DMBT1: variants seen among roughly 807,000 people sequenced by gnomAD.
The protein encoded by DMBT1 is scavenger receptor cysteine-rich domain-containing protein DMBT1.
In DMBT1, 198 loss-of-function variants were observed where a neutral mutation model predicts 252.9. That is an observed-to-expected ratio of 0.78 (90% confidence interval 0.70 to 0.88). The LOEUF is 0.88. Among genes scored for constraint, DMBT1 ranks in the 40% least tolerant of loss-of-function variants. The pLI, the probability that DMBT1 is intolerant of heterozygous loss-of-function variation, is 0.00. For synonymous variants in DMBT1, 990 were observed against 942.7 expected, an observed-to-expected ratio of 1.05 and a Z score of -0.92; for missense variants, 2,432 against 2,404.7, an observed-to-expected ratio of 1.01 and a Z score of -0.24.
chr10:122,592,522 G>A lies in DMBT1; in HGVS notation c.2427G>A (p.Leu809=). 1 of 1,588,190 alleles carries A rather than the reference G, an allele frequency of 6.3e-7. No individual in the cohort carries two copies. The highest frequency in any genetic ancestry group is 8.6e-7 in the Non-Finnish European group (1 of 1,165,608). Residue 809 remains leucine, a synonymous_variant, in exon 20 of 56, where the codon CTG becomes CTA. Transcript: ENST00000338354. ...DVRCSGHESY[L]WSCPHNGWLS... ...GCTGCTCAGGACACGAGTCCTACCT[G>A]TGGAGCTGCCCCCACAATGGCTGGC...
chr10:122,575,515 G>T (rs559567702), intron 6 of DMBT1, among the ~76,000 whole-genome samples: 128 of 151,748 alleles, frequency 8.4e-4, no homozygotes, highest in African/African-American at 2.7e-3. Flanking sequence ...ATATTTTCTG[G>T]TTTTTTTTGG....
At position 122,643,366 on chromosome 10, in the gene DMBT1, ACCC is replaced by A. The variant is rs758466994; in HGVS notation, c.7602_7604del (p.Pro2535del). On this transcript the variant is annotated inframe_deletion, in exon 56 of 56. Transcript: ENST00000338354. ...CGTCCTGGGTCCCATCCAGCTGCAG[ACCC>A]CCCCACGCCGAGAAGAGGAGCCTCG... 6.2e-7 allele frequency: 1 copy of A among 1,611,058 alleles called. No individual in the cohort carries two copies. The highest frequency in any genetic ancestry group is 8.5e-7 in the Non-Finnish European group (1 of 1,179,112).
chr10:122,620,152 A>G (rs1244064575), intron 42 of DMBT1, 101 bp from the exon 43 acceptor site: 3 of 1,278,764 alleles, frequency 2.3e-6, no homozygotes, highest in South Asian at 1.2e-5. Context: ...GGAACCAGAA[A>G]TTGAATAGTT....
intron 5 of DMBT1, among the ~76,000 whole-genome samples, chr10:122,573,503 G>A (rs1190515350): frequency 1.3e-5 from 2 of 152,190 alleles, no homozygotes; most frequent in African/African-American, 4.8e-5. Context: ...TGGGGGTAGG[G>A]TAATAAGAGT....
Position 122,629,870 on chromosome 10 carries a change from T to C in DMBT1, c.5699T>C (p.Phe1900Ser). ...TCTTCAAATTGTGGTGGCTTCTTAT[T>C]CTATGCCAGTGGGACATTCTCCAGC... ...RPSSNCGGFL[F>S]YASGTFSSPS... Residue 1900 changes from phenylalanine (F) to serine (S), a missense_variant, in exon 47 of 56, where the codon TTC (phenylalanine) becomes TCC (serine). Phe to Ser is a radical substitution (Grantham distance 155). Transcript: ENST00000338354. 6.2e-7 allele frequency: 1 copy of C among 1,614,028 alleles called. No homozygotes were observed. Among genetic ancestry groups the C allele is most frequent in the Non-Finnish European group, 8.5e-7 (1 of 1,179,884 alleles).
In DMBT1 at chr10:122,637,303, C is replaced by T. The variant is rs764130589; in HGVS notation, c.6933C>T (p.Thr2311=). 26 of 1,607,332 alleles carry T rather than the reference C, an allele frequency of 1.6e-5. No individual in the cohort carries two copies. Among genetic ancestry groups the T allele is most frequent in the Non-Finnish European group, 2.1e-5 (25 of 1,176,356 alleles). Reference sequence around the variant, plus strand: ...CAATTCCCTACTCAGGCTGCGGCACCTTCAAGCAGGTAAGCCTGGGGCTTC... The same window carrying T: ...CAATTCCCTACTCAGGCTGCGGCACTTTCAAGCAGGTAAGCCTGGGGCTTC... ...IFTIPYSGCG[T]FKQADNDTID... is the part of the protein sequence containing the mutation. Residue 2311 remains threonine, a synonymous_variant, in exon 54 of 56, where the codon ACC becomes ACT. Transcript: ENST00000338354.
intron 19 of DMBT1, among the ~76,000 whole-genome samples, 198 bp from the exon 20 acceptor site, chr10:122,592,074 C>A (rs2097853693): frequency 6.7e-6 from 1 of 148,492 alleles, no homozygotes; most frequent in South Asian, 2.3e-4. Flanking sequence ...AAAATCTGAG[C>A]CTCCATAAAC....
In DMBT1 at chr10:122,635,415, G is replaced by A. The variant is rs144875099; in HGVS notation, c.6549-576G>A. The stretch of plus-strand genomic sequence containing the variant: ...AGCCCTTCCTTTCCTGATGTAAAGG[G>A]CTGACAGGTGAGGGGCTGTAGATTT... On this transcript the variant is annotated intron_variant, in intron 52 of 55. Transcript: ENST00000338354. Among the ~76,000 whole-genome samples, 490 of 152,308 alleles carry A rather than the reference G, an allele frequency of 3.2e-3. 2 individuals carry two copies. The highest frequency in any genetic ancestry group is 0.011 in the African/African-American group (466 of 41,562).
Position 122,640,123 on chromosome 10 carries a change from T to C in DMBT1, c.7026T>C (p.Arg2342=). ...GGIIKRRTDL[R]IHVSCRMLQN... is the part of the protein sequence containing the mutation. The stretch of plus-strand genomic sequence containing the variant: ...TCATCAAGAGGAGGACAGACCTCCG[T>C]ATTCACGTCAGCTGCAGAATGCTTC... Residue 2342 remains arginine (R), a synonymous_variant, in exon 55 of 56, where the codon CGT becomes CGC. Transcript: ENST00000338354. The C allele has an allele frequency of 1.2e-6, 2 of 1,614,092 alleles. No individual in the cohort carries two copies. The highest frequency in any genetic ancestry group is 2.7e-5 in the African/African-American group (2 of 75,074).
chr10:122,589,590 C>A (rs1194025020), intron 17 of DMBT1, among the ~76,000 whole-genome samples: 2 of 148,256 alleles, frequency 1.3e-5, no homozygotes, highest in Non-Finnish European at 3.0e-5. Context: ...TCAGGTTATT[C>A]ATGAAGAAAG....
intron 20 of DMBT1, 79 bp from the exon 21 acceptor site, chr10:122,593,490 A>G (rs1272166514): frequency 6.9e-7 from 1 of 1,443,822 alleles, no homozygotes; most frequent in Non-Finnish European, 9.7e-7. Context: ...AGACTCGCTC[A>G]TTTCTTTCCC....
chr10:122,580,365 G>T (rs946075616), intron 10 of DMBT1, among the ~76,000 whole-genome samples: 1 of 152,198 alleles, frequency 6.6e-6, no homozygotes, highest in Non-Finnish European at 1.5e-5. Flanking sequence ...GTGCAAATGG[G>T]TGTCTGTTTG....
rs971417703 is a variant in DMBT1, at chr10:122,584,937, C to T, written c.1421-334C>T. Among the ~76,000 whole-genome samples the T allele has an allele frequency of 2.7e-5, 4 of 149,110 alleles. 1 individual carries two copies. The highest frequency in any genetic ancestry group is 4.5e-5 in the Non-Finnish European group (3 of 66,820). Reference sequence around the variant, plus strand: ...CCCTTTGGTCAGCTCCTTGGTTTCCCTAACGTTTTAGCTCGAGCTAGTAGA... The same window carrying T: ...CCCTTTGGTCAGCTCCTTGGTTTCCTTAACGTTTTAGCTCGAGCTAGTAGA... On this transcript the variant is annotated intron_variant, in intron 14 of 55. Coordinates refer to ENST00000338354, the MANE Select transcript of DMBT1 (RefSeq NM_001377530.1).
chr10:122,587,972 T>G (rs2097805287), intron 16 of DMBT1, among the ~76,000 whole-genome samples: 1 of 148,430 alleles, frequency 6.7e-6, no homozygotes, highest in South Asian at 2.3e-4. Context: ...CTGAGCTTAC[T>G]GGGCTGAAGA....
Position 122,629,928 on chromosome 10 carries a change from T to A in DMBT1, c.5757T>A (p.Ala1919=). The stretch of plus-strand genomic sequence containing the variant: ...ACCCTGCATACTACCCCAACAATGC[T>A]AAGTGTGTTTGGGAAATAGAAGTGA... ...PSYPAYYPNN[A]KCVWEIEVNS... The change falls in exon 47 of 56, where the codon GCT becomes GCA. Residue 1919 remains alanine, a synonymous_variant. Transcript: ENST00000338354. The A allele has an allele frequency of 6.2e-7, 1 of 1,614,030 alleles. No homozygotes were observed.
At position 122,640,139 on chromosome 10, in the gene DMBT1, A is replaced by G. The variant is rs1314409159; in HGVS notation, c.7042A>G (p.Arg2348Gly). The G allele has an allele frequency of 6.2e-7, 1 of 1,614,102 alleles. No individual in the cohort carries two copies. Among genetic ancestry groups the G allele is most frequent in the Admixed American group, 1.7e-5 (1 of 60,028 alleles). ...RTDLRIHVSC[R>G]MLQNTWVDTM... ...AGACCTCCGTATTCACGTCAGCTGCAGAATGCTTCAGAACACCTGGGTCGA... is the reference window on the plus strand; with the variant it reads ...AGACCTCCGTATTCACGTCAGCTGCGGAATGCTTCAGAACACCTGGGTCGA... Residue 2348 changes from arginine (R) to glycine (G), a missense_variant, in exon 55 of 56, where the codon AGA (arginine) becomes GGA (glycine). Around this residue, in one of 3 missense-constraint regions of DMBT1, gnomAD observed 1,162 missense variants for 1,169.0 expected, o/e 0.99. Transcript: ENST00000338354.
At position 122,588,135 on chromosome 10, in the gene DMBT1, G is replaced by A. The variant is rs192662676; in HGVS notation, c.1784-809G>A. Among the ~76,000 whole-genome samples the A allele has an allele frequency of 6.1e-5, 9 of 148,532 alleles. 1 individual carries two copies. Among genetic ancestry groups the A allele is most frequent in the Non-Finnish European group, 1.0e-4 (7 of 66,676 alleles). On this transcript the variant is annotated intron_variant, in intron 16 of 55. Transcript: ENST00000338354. ...TTGTTGCAATTAAAGACACGTTGCC[G>A]ACCACCACATTACCTGCATCAACAG...
At chr10:122,572,058 A>G (rs2097668939) in intron 4 of DMBT1, among the ~76,000 whole-genome samples, 1 of 152,180 alleles carries the variant, frequency 6.6e-6, no homozygotes, top group East Asian at 1.9e-4. Flanking sequence ...AGACTGTGTG[A>G]CTTGTTGAAT....
chr10:122,570,724 A>G (rs2981790), intron 3 of DMBT1, among the ~76,000 whole-genome samples, 166 bp from the exon 4 acceptor site: 104,540 of 152,024 alleles, frequency 0.69, 36,153 homozygotes, highest in East Asian at 0.78. Context: ...CCCAGCCTGG[A>G]GCCAGTACGG....
Sources: allele counts gnomAD v4.1 joint callset (sites outside exome capture counted in the v4.1 genomes callset), GRCh38; gene constraint gnomAD v4.1.1; regional missense constraint gnomAD v4.1.1; transcripts MANE v1.5; gene names NCBI Gene and HGNC (gene_info 2026-07-23, HGNC 2026-07-21).